Variants in ELK3 observed in about 807,000 individuals in gnomAD.
The protein encoded by ELK3 is ETS transcription factor ELK3.
Under a neutral mutation model 28.9 loss-of-function variants are expected in ELK3, and 10 were observed. That is an observed-to-expected ratio of 0.35 (90% CI 0.21 to 0.59). The LOEUF (loss-of-function observed/expected upper bound fraction) is 0.59. Among genes scored for constraint, ELK3 ranks in the 20% least tolerant of loss-of-function variants. The pLI is 0.82. For missense variants in ELK3, 463 were observed against 517.3 expected (o/e 0.90, Z 1.02); for synonymous variants, 272 against 243.5 (o/e 1.12, Z -1.09).
chr12:96,252,782 G>A (rs117164397), intron 3 of ELK3, among the ~76,000 whole-genome samples: 2 of 152,178 alleles, frequency 1.3e-5, no homozygotes, highest in African/African-American at 4.8e-5. Flanking sequence ...TGTTGAAGAC[G>A]CTGTGAATAT....
At chr12:96,236,017 G>A (rs1233601734) in intron 2 of ELK3, among the ~76,000 whole-genome samples, 1 of 152,110 alleles carries the variant, frequency 6.6e-6, no homozygotes, top group Admixed American at 6.5e-5. Context: ...GTAGAGATGG[G>A]GTTTCACCAT....
chr12:96,231,386 T>C (rs1026130451), intron 2 of ELK3, among the ~76,000 whole-genome samples: 1 of 152,234 alleles, frequency 6.6e-6, no homozygotes, highest in African/African-American at 2.4e-5. Context: ...GCGGGGCCCA[T>C]GCCCAGAGCA....
chr12:96,218,547 A>G (rs1267598953), intron 1 of ELK3, among the ~76,000 whole-genome samples: 1 of 151,954 alleles, frequency 6.6e-6, no homozygotes, highest in Non-Finnish European at 1.5e-5. Flanking sequence ...GTATGCTAGA[A>G]GCCCAATCCC....
At chr12:96,211,092 C>G (rs1382171050) in intron 1 of ELK3, among the ~76,000 whole-genome samples, 1 of 152,170 alleles carries the variant, frequency 6.6e-6, no homozygotes. Flanking sequence ...TCCTCGTGGG[C>G]ACAGCCAACT....
At chr12:96,228,543 A>C (rs1362662955) in intron 2 of ELK3, among the ~76,000 whole-genome samples, 1 of 152,016 alleles carries the variant, frequency 6.6e-6, no homozygotes, top group Non-Finnish European at 1.5e-5. Flanking sequence ...AGGACCTATC[A>C]GGAGCACTTT....
At chr12:96,261,958 G>A (rs1214222039) in intron 4 of ELK3, among the ~76,000 whole-genome samples, 1 of 151,870 alleles carries the variant, frequency 6.6e-6, no homozygotes, top group East Asian at 1.9e-4. Flanking sequence ...AATAAAGATT[G>A]CAGGGCCCCA....
At chr12:96,200,014 G>A (rs1318715558) in intron 1 of ELK3, among the ~76,000 whole-genome samples, 1 of 152,038 alleles carries the variant, frequency 6.6e-6, no homozygotes, top group East Asian at 1.9e-4. Context: ...TGTGTAATAT[G>A]GGAGTGATGG....
chr12:96,263,278 G>A (rs771035722), intron 4 of ELK3, among the ~76,000 whole-genome samples: 2 of 152,178 alleles, frequency 1.3e-5, no homozygotes, highest in Admixed American at 6.5e-5. Context: ...GTTTAGGTAA[G>A]GAGAGAGGCA....
chr12:96,224,880 G>A (rs560040358), intron 2 of ELK3, among the ~76,000 whole-genome samples: 13 of 152,298 alleles, frequency 8.5e-5, no homozygotes, highest in African/African-American at 2.9e-4. Context: ...AGGGTATGCC[G>A]TCTGCCAACC....
At chr12:96,257,483 GA>G (rs2137040610) in intron 3 of ELK3, among the ~76,000 whole-genome samples, 1 of 152,330 alleles carries the variant, frequency 6.6e-6, no homozygotes, top group South Asian at 2.1e-4. Flanking sequence ...TTTTAGACCA[GA>G]GAAATAGAAA....
intron 3 of ELK3, among the ~76,000 whole-genome samples, chr12:96,253,612 G>C (rs1951924417): frequency 6.6e-6 from 1 of 152,202 alleles, no homozygotes; most frequent in African/African-American, 2.4e-5. Flanking sequence ...AGGTGGCATT[G>C]TCATGGATTC....
intron 1 of ELK3, chr12:96,213,663 C>G (rs1951591163): frequency 6.6e-6 from 1 of 152,196 alleles, no homozygotes. Context: ...TTCCTACACA[C>G]AGTAAATTGC....
chr12:96,202,912 G>A (rs1156485195), intron 1 of ELK3, among the ~76,000 whole-genome samples: 1 of 151,846 alleles, frequency 6.6e-6, no homozygotes, highest in Admixed American at 6.6e-5. Flanking sequence ...ACATGAGATG[G>A]AGTCTCGCTC....
chr12:96,204,780 A>C (rs1352197061), intron 1 of ELK3, among the ~76,000 whole-genome samples: 1 of 152,234 alleles, frequency 6.6e-6, no homozygotes, highest in Non-Finnish European at 1.5e-5. Context: ...AAGGAGGTGT[A>C]AATGTTAGAA....
At chr12:96,214,533 T>G (rs1245266832) in intron 1 of ELK3, among the ~76,000 whole-genome samples, 1 of 152,192 alleles carries the variant, frequency 6.6e-6, no homozygotes, top group Non-Finnish European at 1.5e-5. Context: ...TTTGTTTACC[T>G]TTTTTAAAAT....
At chr12:96,205,737 G>A (rs1951534720) in intron 1 of ELK3, among the ~76,000 whole-genome samples, 1 of 152,134 alleles carries the variant, frequency 6.6e-6, no homozygotes, top group Admixed American at 6.5e-5. Context: ...TAAACTCCGG[G>A]CAGAGAGATG....
At chr12:96,222,131 T>A (rs999964853) in intron 1 of ELK3, among the ~76,000 whole-genome samples, 2 of 152,182 alleles carry the variant, frequency 1.3e-5, no homozygotes, top group African/African-American at 2.4e-5. Context: ...CACCTTTTTT[T>A]AAATGTAATG....
At chr12:96,248,755 G>A (rs537850001) in intron 3 of ELK3, among the ~76,000 whole-genome samples, 3 of 152,276 alleles carry the variant, frequency 2.0e-5, no homozygotes, top group Non-Finnish European at 4.4e-5. Flanking sequence ...AGCATATGAC[G>A]GGCTCCCCAC....
At chr12:96,198,072 C>T (rs1435872378) in intron 1 of ELK3, 1 of 152,112 alleles carries the variant, frequency 6.6e-6, no homozygotes, top group Non-Finnish European at 1.5e-5. Context: ...GACCTGATGA[C>T]AACCCAAAAC....
Sources: gnomAD v4.1 joint callset for allele counts (sites outside exome capture counted in the v4.1 genomes callset) on GRCh38, gnomAD v4.1.1 for gene constraint, MANE v1.5 for transcripts, NCBI Gene and HGNC (gene_info 2026-07-23, HGNC 2026-07-21) for gene names.